MYO6: variants seen among roughly 807,000 people sequenced by gnomAD.
The protein encoded by MYO6 is myosin VI, also known as unconventional myosin-VI.
A neutral mutation model predicts 178.7 loss-of-function variants in MYO6; 74 were observed. The observed-to-expected ratio is 0.41, with a 90% CI of 0.34 to 0.50. MYO6 has a LOEUF of 0.50. MYO6 is among the 20% of genes least tolerant of loss of function. MYO6 has a pLI of 0.09. For synonymous variants in MYO6, 477 were observed against 504.6 expected (o/e 0.95, Z 0.73); for missense variants, 1,330 against 1,547.4 (o/e 0.86, Z 2.36).
intron 4 of MYO6, among the ~76,000 whole-genome samples, chr6:75,829,487 A>ATTGT (rs1325160154): frequency 6.6e-6 from 1 of 152,062 alleles, no homozygotes; most frequent in Non-Finnish European, 1.5e-5. Flanking sequence ...AGTTTGCCTA[A>ATTGT]TTGTACTTAC....
At chr6:75,823,465 C>T (rs1016332510) in intron 3 of MYO6, among the ~76,000 whole-genome samples, 8 of 152,068 alleles carry the variant, frequency 5.3e-5, no homozygotes, top group Non-Finnish European at 1.0e-4. Context: ...ATTATGTACA[C>T]TTGTCATGGA....
intron 30 of MYO6, among the ~76,000 whole-genome samples, chr6:75,906,374 A>T (rs997957026): frequency 4.6e-5 from 7 of 152,270 alleles, no homozygotes; most frequent in African/African-American, 1.7e-4. Flanking sequence ...ATCTCAAATT[A>T]TATGCATAAA....
Position 75,892,701 on chromosome 6 carries a change from C to T in MYO6, c.3107+11C>T, listed in dbSNP as rs201968938. On this transcript the variant is annotated intron_variant, in intron 28 of 34. Coordinates refer to ENST00000369977, the MANE Select transcript of MYO6 (RefSeq NM_004999.4). ...CCTGGCGCTGCGGAGGTACTGGGGC[C>T]CCTGGGTGGGGTATAGCGCTCTCTC... is the stretch of plus-strand genomic sequence containing the variant. 2.0e-5 allele frequency: 32 copies of T among 1,611,990 alleles called. No individual in the cohort carries two copies. The East Asian group carries it at 7.1e-4, about 36-fold the overall frequency.
In MYO6 at chr6:75,848,369, A is replaced by G. The variant is rs761452996; in HGVS notation, c.916A>G (p.Met306Val). ...TTTGTAGTACCTTAAGGCAGGTTCT[A>G]TGAAAGATCCTCTGCTAGATGACCA... ...KSPEYLKAGS[M>V]KDPLLDDHGD... Residue 306 changes from methionine (M) to valine (V), a missense_variant, in exon 11 of 35, where the codon ATG becomes GTG. By Grantham distance (21) the Met-to-Val change is conservative. This residue lies in a region of MYO6 where 613 missense variants were observed against 816.8 expected (regional missense o/e 0.75). Transcript: ENST00000369977. 2 of 1,613,750 alleles carry G rather than the reference A, an allele frequency of 1.2e-6. No homozygotes were observed. The highest frequency in any genetic ancestry group is 1.1e-5 in the South Asian group (1 of 91,082).
intron 14 of MYO6, among the ~76,000 whole-genome samples, 168 bp downstream of exon 14, chr6:75,859,161 G>C (rs1775982753): frequency 6.6e-6 from 1 of 152,156 alleles, no homozygotes; most frequent in South Asian, 2.1e-4. Context: ...AGGCACGTCA[G>C]AAGTGTTAAT....
intron 14 of MYO6, among the ~76,000 whole-genome samples, chr6:75,860,326 T>A (rs995456270): frequency 7.9e-5 from 12 of 152,354 alleles, no homozygotes; most frequent in African/African-American, 2.9e-4. Context: ...ACCAGTAAGA[T>A]AATTTCTCTG....
At chr6:75,792,636 A>G (rs1381340221) in intron 1 of MYO6, among the ~76,000 whole-genome samples, 3 of 151,982 alleles carry the variant, frequency 2.0e-5, no homozygotes, top group Non-Finnish European at 4.4e-5. Context: ...TGGGATTGCC[A>G]CTAGGTGGTG....
At chr6:75,909,918 A>G (rs1780633705) in intron 32 of MYO6, among the ~76,000 whole-genome samples, 1 of 152,182 alleles carries the variant, frequency 6.6e-6, no homozygotes, top group Non-Finnish European at 1.5e-5. Flanking sequence ...GTGGAATTCT[A>G]GTGTTTCTAA....
chr6:75,854,912 G>T (rs940086415), intron 11 of MYO6, among the ~76,000 whole-genome samples: 1 of 152,124 alleles, frequency 6.6e-6, no homozygotes, highest in African/African-American at 2.4e-5. Flanking sequence ...ATATTGATGT[G>T]CTTAAAGGAT....
intron 1 of MYO6, among the ~76,000 whole-genome samples, chr6:75,774,097 C>G (rs1766142586): frequency 6.6e-6 from 1 of 152,142 alleles, no homozygotes; most frequent in Admixed American, 6.5e-5. Flanking sequence ...TAACACCTTG[C>G]TATAGCCCCA....
At chr6:75,901,442 C>G (rs947292565) in intron 30 of MYO6, among the ~76,000 whole-genome samples, 22 of 152,258 alleles carry the variant, frequency 1.4e-4, no homozygotes, top group African/African-American at 5.3e-4. Context: ...TCCTTCACAT[C>G]CCTTGTAAGT....
chr6:75,859,101 C>T (rs373327882), intron 14 of MYO6, 108 bp downstream of exon 14: 37 of 765,562 alleles, frequency 4.8e-5, no homozygotes, highest in South Asian at 1.6e-4. Flanking sequence ...TGGTGTATAA[C>T]GGAAGGTGGC....
At chr6:75,786,488 T>C (rs1431345025) in intron 1 of MYO6, among the ~76,000 whole-genome samples, 1 of 152,248 alleles carries the variant, frequency 6.6e-6, no homozygotes, top group Non-Finnish European at 1.5e-5. Context: ...GAACTGACAT[T>C]TTCAGTAGCA....
At chr6:75,798,962 C>T (rs555864994) in intron 1 of MYO6, among the ~76,000 whole-genome samples, 4 of 152,276 alleles carry the variant, frequency 2.6e-5, no homozygotes, top group East Asian at 1.9e-4. Flanking sequence ...ACAGCAGTGA[C>T]GTTCAAGCTG....
chr6:75,870,773 C>A lies in MYO6; in HGVS notation c.1983+88C>A. ...TGCAAGTAGGCATAGTAACCCTGTA[C>A]TAATTAAAAATACATTTTAAACTTT... On this transcript the variant is annotated intron_variant, in intron 19 of 34. Transcript: ENST00000369977. 3.8e-6 allele frequency: 4 copies of A among 1,045,892 alleles called. No individual in the cohort carries two copies. In the South Asian group the frequency reaches 6.2e-5, roughly 16 times the overall value. The allele number at this position is 1,045,892 out of a possible 1,614,324, so 64.8% of individuals were successfully genotyped here.
chr6:75,873,747 A>T (rs1777341162), intron 20 of MYO6, among the ~76,000 whole-genome samples: 1 of 152,174 alleles, frequency 6.6e-6, no homozygotes, highest in Admixed American at 6.5e-5. Context: ...TTCTCATTCC[A>T]CACATGATGG....
In MYO6 at chr6:75,866,937, G is replaced by C. The variant is rs1303637391; in HGVS notation, c.1776G>C (p.Gln592His). ...CTGTTTGATTTATTTTTCAGACCCAGTTTGTGGAGAAAAATAATGATGCTT... is the reference window on the plus strand; with the variant it reads ...CTGTTTGATTTATTTTTCAGACCCACTTTGTGGAGAAAAATAATGATGCTT... ...FAGAVCYETT[Q>H]FVEKNNDALH... Residue 592 changes from glutamine to histidine, a missense_variant, in exon 18 of 35, where the codon CAG becomes CAC. This residue lies in a region of MYO6 where 613 missense variants were observed against 816.8 expected (regional missense o/e 0.75). Transcript: ENST00000369977. The C allele has an allele frequency of 6.2e-7, 1 of 1,613,744 alleles. No individual in the cohort carries two copies. The highest frequency in any genetic ancestry group is 1.7e-5 in the Admixed American group (1 of 59,994).
chr6:75,838,054 CTT>C (rs35550064), intron 7 of MYO6, among the ~76,000 whole-genome samples: 71 of 136,174 alleles, frequency 5.2e-4, no homozygotes, highest in Non-Finnish European at 4.8e-4. Context: ...TCTATAGCTT[CTT>C]TTTTTTTTTT....
intron 1 of MYO6, among the ~76,000 whole-genome samples, chr6:75,767,486 A>T (rs960359291): frequency 6.6e-6 from 1 of 151,190 alleles, no homozygotes; most frequent in African/African-American, 2.4e-5. Flanking sequence ...TATAAATAGT[A>T]TATGGTTCAT....
Sources: allele counts gnomAD v4.1 joint callset (sites outside exome capture counted in the v4.1 genomes callset), GRCh38; gene constraint gnomAD v4.1.1; regional missense constraint gnomAD v4.1.1; transcripts MANE v1.5; gene names NCBI Gene and HGNC (gene_info 2026-07-23, HGNC 2026-07-21).